PRKCB: variants seen among roughly 807,000 people sequenced by gnomAD.
The protein encoded by PRKCB is protein kinase C beta.
Under a neutral mutation model 81.5 loss-of-function variants are expected in PRKCB, and 13 were observed. The ratio of observed to expected loss-of-function variants is 0.16; its 90% CI spans 0.10 to 0.25. The LOEUF is 0.25. Among genes scored for constraint, PRKCB ranks in the 10% least tolerant of loss-of-function variants. PRKCB has a pLI of 1.00. For missense variants in PRKCB, 509 were observed against 875.7 expected (o/e 0.58, Z 5.29); for synonymous variants, 335 against 321.4 (o/e 1.04, Z -0.45).
intron 2 of PRKCB, among the ~76,000 whole-genome samples, chr16:23,841,065 T>C (rs776258462): frequency 9.9e-5 from 15 of 152,142 alleles, no homozygotes; most frequent in Non-Finnish European, 5.9e-5. Context: ...TGGCATTTTT[T>C]TCTTTGCCTT....
chr16:23,929,351 G>T (rs549172448), intron 2 of PRKCB, among the ~76,000 whole-genome samples: 3 of 152,058 alleles, frequency 2.0e-5, no homozygotes, highest in Non-Finnish European at 4.4e-5. Flanking sequence ...CTGGCTAAAC[G>T]CATGAACTCT....
intron 2 of PRKCB, among the ~76,000 whole-genome samples, chr16:23,939,853 G>A (rs948445026): frequency 6.6e-6 from 1 of 152,054 alleles, no homozygotes; most frequent in African/African-American, 2.4e-5. Flanking sequence ...TTGAATAGTC[G>A]GACTTCATCG....
intron 2 of PRKCB, among the ~76,000 whole-genome samples, chr16:23,955,230 G>GCACACA (rs10543098): frequency 2.0e-5 from 3 of 149,326 alleles, no homozygotes; most frequent in Non-Finnish European, 4.5e-5. Context: ...ACACACACAT[G>GCACACA]CACACACACA....
At chr16:24,157,718 G>A (rs1165229406) in intron 10 of PRKCB, among the ~76,000 whole-genome samples, 1 of 149,544 alleles carries the variant, frequency 6.7e-6, no homozygotes, top group Non-Finnish European at 1.5e-5. Flanking sequence ...AGTCATGAGA[G>A]TGAGTGAATT....
At chr16:23,971,400 C>T (rs1175039027) in intron 2 of PRKCB, among the ~76,000 whole-genome samples, 1 of 152,148 alleles carries the variant, frequency 6.6e-6, no homozygotes, top group Non-Finnish European at 1.5e-5. Context: ...TGTGATGGTT[C>T]CTCTCCATTT....
In PRKCB at chr16:24,100,707, A is replaced by G. The variant is rs531776935; in HGVS notation, c.821+6410A>G. Among the ~76,000 whole-genome samples the G allele has an allele frequency of 2.0e-5, 3 of 152,346 alleles. No homozygotes were observed. The East Asian group carries it at 5.8e-4, about 29-fold the overall frequency. On this transcript the variant is annotated intron_variant, in intron 7 of 16. Coordinates refer to ENST00000643927, the MANE Select transcript of PRKCB (RefSeq NM_002738.7). Reference sequence around the variant, plus strand: ...CTACAATCACCCAATGAGTTCATCTAGAGCTGATTCACTGAGACGGCAATA... The same window carrying G: ...CTACAATCACCCAATGAGTTCATCTGGAGCTGATTCACTGAGACGGCAATA...
intron 5 of PRKCB, among the ~76,000 whole-genome samples, chr16:24,063,056 T>A (rs1302455202): frequency 2.6e-5 from 4 of 152,040 alleles, no homozygotes; most frequent in Non-Finnish European, 5.9e-5. Context: ...TCCAGCAGTA[T>A]CAGAAGGCCC....
At chr16:24,137,361 G>GT (rs946758512) in intron 9 of PRKCB, among the ~76,000 whole-genome samples, 50 of 150,446 alleles carry the variant, frequency 3.3e-4, no homozygotes, top group Admixed American at 2.1e-3. Flanking sequence ...GCTCATTTTT[G>GT]TTTTTTTTCT....
intron 2 of PRKCB, among the ~76,000 whole-genome samples, chr16:23,948,306 A>G (rs1052234161): frequency 1.3e-5 from 2 of 152,180 alleles, no homozygotes; most frequent in African/African-American, 4.8e-5. Flanking sequence ...GGCCTCCCAA[A>G]GCTTGTCTTT....
chr16:24,107,455 C>T (rs1018553833), intron 7 of PRKCB, among the ~76,000 whole-genome samples: 3 of 152,150 alleles, frequency 2.0e-5, no homozygotes, highest in Non-Finnish European at 4.4e-5. Context: ...TTTTGGAATT[C>T]TGTTTTGTCA....
At chr16:23,863,123 A>G (rs888830056) in intron 2 of PRKCB, among the ~76,000 whole-genome samples, 3 of 147,304 alleles carry the variant, frequency 2.0e-5, no homozygotes, top group Admixed American at 6.8e-5. Context: ...TGATCATATA[A>G]TCATATATAT....
At chr16:23,969,840 T>C (rs947581641) in intron 2 of PRKCB, among the ~76,000 whole-genome samples, 6 of 152,126 alleles carry the variant, frequency 3.9e-5, no homozygotes, top group Admixed American at 1.3e-4. Flanking sequence ...CCCACAGATA[T>C]GATATTTCAG....
intron 2 of PRKCB, among the ~76,000 whole-genome samples, chr16:23,860,902 T>C (rs1025754675): frequency 6.6e-6 from 1 of 152,080 alleles, no homozygotes; most frequent in African/African-American, 2.4e-5. Context: ...TGAGACTCAG[T>C]ATAAAAAAGA....
intron 3 of PRKCB, among the ~76,000 whole-genome samples, chr16:23,993,435 G>A (rs1465971414): frequency 3.9e-5 from 6 of 152,162 alleles, no homozygotes; most frequent in East Asian, 3.9e-4. Flanking sequence ...CTGGTTTAAT[G>A]TAGAGGAAAG....
At chr16:23,953,888 C>CT (rs5816234) in intron 2 of PRKCB, among the ~76,000 whole-genome samples, 5,913 of 146,242 alleles carry the variant, frequency 0.04, 170 homozygotes, top group Non-Finnish European at 0.052. Flanking sequence ...AGGCATCCAT[C>CT]TTTTTTTTTT....
chr16:24,020,396 C>T (rs1965342821), intron 3 of PRKCB, among the ~76,000 whole-genome samples: 1 of 152,188 alleles, frequency 6.6e-6, no homozygotes, highest in Non-Finnish European at 1.5e-5. Flanking sequence ...GTAAAATCCA[C>T]AATGACTTTT....
At chr16:24,053,867 G>A (rs1435723313) in intron 5 of PRKCB, among the ~76,000 whole-genome samples, 1 of 152,184 alleles carries the variant, frequency 6.6e-6, no homozygotes. Context: ...GAAACAGAGA[G>A]GCAGCTGCTG....
At chr16:24,191,317 G>A in intron 16 of PRKCB, 87 bp downstream of exon 16, 1 of 1,486,922 alleles carries the variant, frequency 6.7e-7, no homozygotes, top group Admixed American at 1.8e-5. Flanking sequence ...GCTCCCTGAG[G>A]GGTAGACGTC....
chr16:24,206,346 G>C (rs1403495442), intron 16 of PRKCB, among the ~76,000 whole-genome samples: 1 of 152,172 alleles, frequency 6.6e-6, no homozygotes, highest in Non-Finnish European at 1.5e-5. Context: ...ATGTGAAAAA[G>C]AAAGATGCGC....
Sources: gnomAD v4.1 joint callset for allele counts (sites outside exome capture counted in the v4.1 genomes callset) on GRCh38, gnomAD v4.1.1 for gene constraint, MANE v1.5 for transcripts, NCBI Gene and HGNC (gene_info 2026-07-23, HGNC 2026-07-21) for gene names.